TCP1: variants seen among roughly 807,000 people sequenced by gnomAD.
The protein encoded by TCP1 is t-complex 1.
TCP1 carries 6 observed loss-of-function variants against 54.7 expected under a neutral mutation model. The ratio of observed to expected loss-of-function variants is 0.11; its 90% CI spans 0.06 to 0.22. The LOEUF (loss-of-function observed/expected upper bound fraction) is 0.22. TCP1 is among the 10% of genes least tolerant of loss of function. TCP1 has a pLI of 1.00. For synonymous variants in TCP1, 225 were observed against 229.7 expected (o/e 0.98, Z 0.19); for missense variants, 511 against 678.2 (o/e 0.75, Z 2.74).
In TCP1 at chr6:159,788,155, C is replaced by G. The variant is rs200701669; in HGVS notation, c.65-12G>C. 6.2e-7 allele frequency: 1 copy of G among 1,612,416 alleles called. No homozygotes were observed. Among genetic ancestry groups the G allele is most frequent in the Non-Finnish European group, 8.5e-7 (1 of 1,179,140 alleles). On this transcript the variant is annotated splice_polypyrimidine_tract_variant and intron_variant, in intron 1 of 11. Transcript: ENST00000321394. ...AGCTGCAGCCATAACTGTAGACAAT[C>G]AATTAAAAATAAAAAAGAAATGAGG...
intron 7 of TCP1, among the ~76,000 whole-genome samples, chr6:159,783,018 A>G (rs2114992987): frequency 6.6e-6 from 1 of 152,360 alleles, no homozygotes; most frequent in East Asian, 1.9e-4. Context: ...GCACCAGAGA[A>G]GTTTTGTGTA....
rs1780486316 is a variant in TCP1, at chr6:159,778,556, G to A, written c.*489C>T. On this transcript the variant is annotated 3_prime_UTR_variant, in exon 12 of 12. Coordinates refer to ENST00000321394, the MANE Select transcript of TCP1 (RefSeq NM_030752.3). ...GCAGTTAAAATGAAAATTTGAGTTTGAAAGGGTAGCATGCTGATACATTAA... is the reference window on the plus strand; with the variant it reads ...GCAGTTAAAATGAAAATTTGAGTTTAAAAGGGTAGCATGCTGATACATTAA... The A allele has an allele frequency of 5.3e-6, 7 of 1,309,908 alleles. No homozygotes were observed. The African/African-American group carries it at 5.9e-5, about 11-fold the overall frequency. 81.1% of individuals were successfully genotyped at this position (1,309,908 alleles called of 1,614,324 possible).
In TCP1 at chr6:159,783,974, G is replaced by C. The variant is rs367998582; in HGVS notation, c.764C>G (p.Thr255Arg). 1 of 1,612,008 alleles carries C rather than the reference G, an allele frequency of 6.2e-7. No individual in the cohort carries two copies. Among genetic ancestry groups the C allele is most frequent in the South Asian group, 1.1e-5 (1 of 90,816 alleles). The change falls in exon 7 of 12, where the codon ACA becomes AGA. Residue 255 changes from threonine to arginine, a missense_variant. By Grantham distance (71) the Thr-to-Arg change is moderately conservative. Transcript: ENST00000321394. The part of the protein sequence containing the change: ...KMKLGVQVVI[T>R]DPEKLDQIRQ... ...AATTTGGTCCAGTTTTTCAGGGTCTGTAATGACCACCTGTACACCAAGCTT... is the reference window on the plus strand; with the variant it reads ...AATTTGGTCCAGTTTTTCAGGGTCTCTAATGACCACCTGTACACCAAGCTT...
Position 159,778,912 on chromosome 6 carries a change from G to A in TCP1, c.*133C>T. On this transcript the variant is annotated 3_prime_UTR_variant, in exon 12 of 12. Coordinates refer to ENST00000321394, the MANE Select transcript of TCP1 (RefSeq NM_030752.3). ...CAATATGTGAAATCAGAGGACCAAAGTACAGATGGAAACCATTTCCTACAT... is the reference window on the plus strand; with the variant it reads ...CAATATGTGAAATCAGAGGACCAAAATACAGATGGAAACCATTTCCTACAT... 1.3e-6 allele frequency: 2 copies of A among 1,586,778 alleles called. No homozygotes were observed. Among genetic ancestry groups the A allele is most frequent in the Non-Finnish European group, 8.6e-7 (1 of 1,162,880 alleles).
rs750638989 is a variant in TCP1 at position 159,785,415 on chromosome 6, C to A, written c.459G>T (p.Lys153Asn). The A allele has an allele frequency of 6.2e-7, 1 of 1,612,894 alleles. No individual in the cohort carries two copies. The highest frequency in any genetic ancestry group is 8.5e-7 in the Non-Finnish European group (1 of 1,179,916). ...LGRDCLINAA[K>N]TSMSSKIIGI... is the part of the protein sequence containing the mutation. ...CAATGATTTTGGAAGACATGGATGT[C>A]TTAGCAGCATTAATCAGGCAATCTC... The change falls in exon 5 of 12, where the codon AAG becomes AAT. Residue 153 changes from lysine to asparagine, a missense_variant. Transcript: ENST00000321394.
intron 5 of TCP1, 160 bp from the exon 6 acceptor site, chr6:159,785,007 C>CA (rs1780659546): frequency 1.4e-6 from 1 of 710,800 alleles, no homozygotes; most frequent in Non-Finnish European, 2.4e-6. Flanking sequence ...TCACTATCTG[C>CA]AATTCATATC....
At chr6:159,780,239 C>G (rs756440581) in intron 9 of TCP1, 152 bp from the exon 10 acceptor site, 14 of 1,217,508 alleles carry the variant, frequency 1.1e-5, no homozygotes, top group Non-Finnish European at 1.7e-5. Flanking sequence ...TTTAGATATA[C>G]TATACAGAAA....
intron 9 of TCP1, 113 bp from the exon 10 acceptor site, chr6:159,780,200 G>C: frequency 4.5e-6 from 6 of 1,345,746 alleles, no homozygotes; most frequent in Non-Finnish European, 6.3e-6. Context: ...TCTACATAAA[G>C]TTCCCTTAAG....
In TCP1 at chr6:159,778,767, G is replaced by A. The variant is rs779163521; in HGVS notation, c.*278C>T. The A allele has an allele frequency of 1.9e-6, 3 of 1,614,224 alleles. No homozygotes were observed. The highest frequency in any genetic ancestry group is 2.5e-6 in the Non-Finnish European group (3 of 1,180,046). On this transcript the variant is annotated 3_prime_UTR_variant, in exon 12 of 12. Coordinates refer to ENST00000321394, the MANE Select transcript of TCP1 (RefSeq NM_030752.3). ...ACTGGAGAGAATGGGCAGAAGTCGT[G>A]GTGTTGCAGCCCTGTGCATTGGGGG...
At position 159,779,963 on chromosome 6, in the gene TCP1, C is replaced by T. The variant is rs1330124808; in HGVS notation, c.1222G>A (p.Val408Met). ...TCTACAGCACCCCCACCGGGAACCA[C>T]AGATTTTGACTCCAAAACTCTCTTC... ...VVKRVLESKS[V>M]VPGGGAVEAA... is the part of the protein sequence containing the mutation. Residue 408 changes from valine (V) to methionine (M), a missense_variant, in exon 10 of 12, where the codon GTG (valine) becomes ATG (methionine). This residue lies in a region of TCP1 where 305 missense variants were observed against 352.8 expected (regional missense o/e 0.86). Coordinates refer to ENST00000321394, the MANE Select transcript of TCP1 (RefSeq NM_030752.3). 2.5e-6 allele frequency: 4 copies of T among 1,614,126 alleles called. No individual in the cohort carries two copies. In the South Asian group the frequency reaches 4.4e-5, roughly 18 times the overall value.
chr6:159,788,305 T>C, intron 1 of TCP1, 162 bp from the exon 2 acceptor site: 1 of 632,070 alleles, frequency 1.6e-6, no homozygotes, highest in Non-Finnish European at 2.7e-6. Flanking sequence ...AGAGTGTAAA[T>C]GGGGCCAGAC....
At chr6:159,780,911 T>C (rs373745424) in intron 8 of TCP1, 24 bp downstream of exon 8, 13 of 1,566,594 alleles carry the variant, frequency 8.3e-6, no homozygotes, top group Non-Finnish European at 1.0e-5. Flanking sequence ...AAGTATTTTA[T>C]GTGACAGCCA....
Position 159,784,586 on chromosome 6 carries a change from G to A in TCP1, c.670+80C>T, listed in dbSNP as rs575448128. 4.8e-6 allele frequency: 7 copies of A among 1,471,804 alleles called. No individual in the cohort carries two copies. The East Asian group carries it at 1.4e-4, about 29-fold the overall frequency. The allele number at this position is 1,471,804 out of a possible 1,614,324, so 91.2% of individuals were successfully genotyped here. A position where few individuals can be genotyped will look rare whatever the true frequency, so the allele number is the denominator to read the frequency against. On this transcript the variant is annotated intron_variant, in intron 6 of 11. Transcript: ENST00000321394. ...CCCAAAGTGCTGGGATTACAGGCAT[G>A]AGCCACCGCGCCCAGCCAAAAGAAA...
chr6:159,786,067 C>A lies in TCP1; in HGVS notation c.280-70G>T, dbSNP rs1583143088. The stretch of plus-strand genomic sequence containing the variant: ...CATGTGCAATACATATGGAATGACA[C>A]TAAAATGGCCATATATTATTAACCA... On this transcript the variant is annotated intron_variant, in intron 3 of 11. Transcript: ENST00000321394. The A allele has an allele frequency of 4.9e-6, 6 of 1,225,568 alleles. No individual in the cohort carries two copies. In the East Asian group the frequency reaches 1.4e-4, roughly 30 times the overall value. 75.9% of individuals were successfully genotyped at this position (1,225,568 alleles called of 1,614,324 possible). A position where few individuals can be genotyped will look rare whatever the true frequency, so the allele number is the denominator to read the frequency against.
chr6:159,784,842 C>T lies in TCP1; in HGVS notation c.494G>A (p.Gly165Asp), dbSNP rs1302334270. Residue 165 changes from glycine to aspartate, a missense_variant, in exon 6 of 12, where the codon GGT (glycine) becomes GAT (aspartate). This residue lies in a region of TCP1 where 305 missense variants were observed against 352.8 expected (regional missense o/e 0.86). Coordinates refer to ENST00000321394, the MANE Select transcript of TCP1 (RefSeq NM_030752.3). ...TACTACCATGTTAGCAAAGAAATCA[C>T]CATTTCTACGCCAAAAGTTAAGGAC... ...SMSSKIIGIN[G>D]DFFANMVVDA... 1 of 1,614,010 alleles carries T rather than the reference C, an allele frequency of 6.2e-7. No homozygotes were observed. The highest frequency in any genetic ancestry group is 8.5e-7 in the Non-Finnish European group (1 of 1,180,022).
intron 1 of TCP1, 80 bp downstream of exon 1, chr6:159,789,325 C>T: frequency 6.4e-7 from 1 of 1,551,168 alleles, no homozygotes; most frequent in East Asian, 2.3e-5. Context: ...AGGAGAGAAA[C>T]GAGGGCAGCC....
Position 159,780,509 on chromosome 6 carries a change from A to G in TCP1, c.1031T>C (p.Met344Thr), listed in dbSNP as rs1780550795. Residue 344 changes from methionine to threonine, a missense_variant, in exon 9 of 12, where the codon ATG becomes ACG. Met to Thr is a moderately conservative substitution (Grantham distance 81, BLOSUM62 -1). Coordinates refer to ENST00000321394, the MANE Select transcript of TCP1 (RefSeq NM_030752.3). ...LEGEETFEAAMLGQAEEVVQE... is the reference protein window; with the variant it reads ...LEGEETFEAATLGQAEEVVQE... ...TACCACTTCTTCTGCCTGTCCCAAC[A>G]TTGCAGCTTCAAAAGTTTCTTCACC... 1.9e-6 allele frequency: 3 copies of G among 1,614,140 alleles called. No individual in the cohort carries two copies. Among genetic ancestry groups the G allele is most frequent in the Non-Finnish European group, 2.5e-6 (3 of 1,179,996 alleles).
Position 159,778,792 on chromosome 6 carries a change from G to T in TCP1, c.*253C>A. 6.2e-7 allele frequency: 1 copy of T among 1,614,230 alleles called. No homozygotes were observed. Among genetic ancestry groups the T allele is most frequent in the Non-Finnish European group, 8.5e-7 (1 of 1,180,036 alleles). ...GGTGTTGCAGCCCTGTGCATTGGGGGTGGGATGGGAATAGCAATGTGTGTT... is the reference window on the plus strand; with the variant it reads ...GGTGTTGCAGCCCTGTGCATTGGGGTTGGGATGGGAATAGCAATGTGTGTT... On this transcript the variant is annotated 3_prime_UTR_variant, in exon 12 of 12. Transcript: ENST00000321394.
At position 159,785,470 on chromosome 6, in the gene TCP1, T is replaced by A. The variant is rs1780672612; in HGVS notation, c.404A>T (p.Asn135Ile). The A allele has an allele frequency of 6.2e-7, 1 of 1,613,804 alleles. No homozygotes were observed. Among genetic ancestry groups the A allele is most frequent in the Non-Finnish European group, 8.5e-7 (1 of 1,179,920 alleles). ...CKEAVRYINE[N>I]LIVNTDELGR... ...CAGTTCATCTGTGTTAACAATTAGG[T>A]TTTCATTGATATAACGCACTGCTTC... Residue 135 changes from asparagine (N) to isoleucine (I), a missense_variant, in exon 5 of 12, where the codon AAC becomes ATC. This residue lies in a region of TCP1 where 305 missense variants were observed against 352.8 expected (regional missense o/e 0.86). Coordinates refer to ENST00000321394, the MANE Select transcript of TCP1 (RefSeq NM_030752.3).
Sources: allele counts gnomAD v4.1 joint callset (sites outside exome capture counted in the v4.1 genomes callset), GRCh38; gene constraint gnomAD v4.1.1; regional missense constraint gnomAD v4.1.1; transcripts MANE v1.5; gene names NCBI Gene and HGNC (gene_info 2026-07-23, HGNC 2026-07-21).